Variants in SCYL2 observed in about 807,000 individuals in gnomAD.
SCYL2 encodes SCY1 like pseudokinase 2.
SCYL2 carries 36 observed loss-of-function variants against 100.4 expected under a neutral mutation model. The ratio of observed to expected loss-of-function variants is 0.36; its 90% CI spans 0.27 to 0.47. The LOEUF (loss-of-function observed/expected upper bound fraction) is 0.47. Ranked by LOEUF, SCYL2 falls within the 20% of genes least tolerant of loss-of-function variation. The probability of loss-of-function intolerance (pLI) is 1.00; values close to 1 mark genes in which losing one functional copy is unlikely to be tolerated. For synonymous variants in SCYL2, 330 were observed against 359.2 expected, an observed-to-expected ratio of 0.92 and a Z score of 0.92; for missense variants, 902 against 1,083.9, an observed-to-expected ratio of 0.83 and a Z score of 2.36.
chr12:100,286,733 A>G (rs2096304841), intron 2 of SCYL2, among the ~76,000 whole-genome samples: 1 of 152,022 alleles, frequency 6.6e-6, no homozygotes, highest in Admixed American at 6.5e-5. Context: ...AGATGCCAGT[A>G]TTCATGGATG....
At position 100,314,564 on chromosome 12, in the gene SCYL2, A is replaced by T; in HGVS notation, c.1045A>T (p.Lys349Ter). ...CTTATTCCAAAGAGATAATCTTCAG[A>T]AATCACAGTTTTTCAAAGGACTGCC... ...DTLFQRDNLQ[K>*]SQFFKGLPKV... The change falls in exon 8 of 18, where the codon AAA becomes TAA. Residue 349 changes from lysine (K) to a stop codon, truncating the protein, a stop_gained. Coordinates refer to ENST00000360820, the MANE Select transcript of SCYL2 (RefSeq NM_017988.6). LOFTEE classifies it high-confidence loss of function. 2 of 1,602,938 alleles carry T rather than the reference A, an allele frequency of 1.2e-6. No homozygotes were observed. Among genetic ancestry groups the T allele is most frequent in the Non-Finnish European group, 1.7e-6 (2 of 1,176,536 alleles).
At chr12:100,294,031 A>T (rs1273137797) in intron 3 of SCYL2, among the ~76,000 whole-genome samples, 4 of 150,986 alleles carry the variant, frequency 2.6e-5, no homozygotes, top group African/African-American at 9.7e-5. Context: ...CCCGTTCTCA[A>T]TGAGCTGTTG....
intron 3 of SCYL2, among the ~76,000 whole-genome samples, chr12:100,294,417 T>C (rs2096315123): frequency 5.5e-5 from 6 of 109,992 alleles, no homozygotes; most frequent in African/African-American, 7.1e-5. Context: ...ACGGGGCGGC[T>C]GGCCGGGCGG....
chr12:100,279,762 T>A (rs2096296160), intron 1 of SCYL2, among the ~76,000 whole-genome samples: 3 of 152,230 alleles, frequency 2.0e-5, no homozygotes, highest in Admixed American at 2.0e-4. Flanking sequence ...TGATGAGATA[T>A]CAAATGATTT....
chr12:100,333,536 C>T (rs985901377), intron 13 of SCYL2: 9 of 152,126 alleles, frequency 5.9e-5, no homozygotes, highest in African/African-American at 2.2e-4. Flanking sequence ...TGGTGTTATT[C>T]AAATAAGTTG....
intron 2 of SCYL2, among the ~76,000 whole-genome samples, chr12:100,284,780 G>A (rs1029769241): frequency 2.0e-5 from 3 of 152,086 alleles, no homozygotes; most frequent in Admixed American, 2.0e-4. Context: ...TTTTTTGAGT[G>A]TTCATTTAGA....
At chr12:100,273,613 AAT>A (rs765569958) in intron 1 of SCYL2, among the ~76,000 whole-genome samples, 27 of 152,288 alleles carry the variant, frequency 1.8e-4, no homozygotes, top group Admixed American at 5.9e-4. Flanking sequence ...CTCAAATTTG[AAT>A]ATCAATTCTG....
intron 6 of SCYL2, 56 bp from the exon 7 acceptor site, chr12:100,313,366 G>A (rs2096344524): frequency 1.3e-6 from 1 of 762,028 alleles, no homozygotes; most frequent in East Asian, 2.8e-5. Flanking sequence ...TTTCTTAAAT[G>A]TATATGTCTT....
intron 4 of SCYL2, among the ~76,000 whole-genome samples, chr12:100,303,197 C>T (rs1459888141): frequency 6.6e-6 from 1 of 152,072 alleles, no homozygotes; most frequent in African/African-American, 2.4e-5. Flanking sequence ...AGAACATGCT[C>T]CTTTAGCTCG....
intron 2 of SCYL2, among the ~76,000 whole-genome samples, chr12:100,289,007 T>C (rs1040195969): frequency 6.6e-6 from 1 of 152,062 alleles, no homozygotes; most frequent in African/African-American, 2.4e-5. Context: ...GTGCCGGCCA[T>C]AACACATTTA....
chr12:100,312,774 T>G, intron 6 of SCYL2, 121 bp downstream of exon 6: 1 of 654,702 alleles, frequency 1.5e-6, no homozygotes, highest in South Asian at 1.9e-5. Context: ...TAAGTTTGCA[T>G]AAGATCAGCT....
intron 1 of SCYL2, among the ~76,000 whole-genome samples, chr12:100,273,156 T>G (rs906908015): frequency 1.3e-5 from 2 of 152,128 alleles, no homozygotes; most frequent in African/African-American, 4.8e-5. Flanking sequence ...TAGCTTGATT[T>G]CTTACTACTC....
chr12:100,307,517 A>AT (rs2135891035), intron 4 of SCYL2, among the ~76,000 whole-genome samples: 1 of 152,256 alleles, frequency 6.6e-6, no homozygotes, highest in South Asian at 2.1e-4. Flanking sequence ...AGACTTAAAC[A>AT]TAAGACCTAA....
At chr12:100,337,249 C>A in intron 16 of SCYL2, 138 bp from the exon 17 acceptor site, 1 of 1,018,580 alleles carries the variant, frequency 9.8e-7, no homozygotes, top group Non-Finnish European at 1.4e-6. Flanking sequence ...ATACAGCTTA[C>A]TGTGACAATC....
chr12:100,305,788 G>A lies in SCYL2; in HGVS notation c.481-5256G>A, dbSNP rs1357483512. Among the ~76,000 whole-genome samples the A allele has an allele frequency of 1.1e-4, 15 of 142,414 alleles. No homozygotes were observed. The South Asian group carries it at 2.6e-3, about 25-fold the overall frequency. 93.4% of individuals were successfully genotyped at this position (142,414 alleles called of 152,430 possible). ...CCAGACTAATAAAGAAGAAAAGAGA[G>A]AATAATCAGACACAATAAAAAATGA... On this transcript the variant is annotated intron_variant, in intron 4 of 17. Transcript: ENST00000360820.
Position 100,334,193 on chromosome 12 carries a change from G to A in SCYL2, c.1789G>A (p.Glu597Lys). 1 of 1,602,562 alleles carries A rather than the reference G, an allele frequency of 6.2e-7. No homozygotes were observed. The highest frequency in any genetic ancestry group is 2.2e-5 in the East Asian group (1 of 44,690). The part of the protein sequence containing the change: ...QFNSFISVIK[E>K]MLNRLESEHK... The stretch of plus-strand genomic sequence containing the variant: ...CAATTCTTTCATTTCCGTCATAAAA[G>A]AAATGCTTAATAGATTGGAGTCTGA... Residue 597 changes from glutamate to lysine, a missense_variant, in exon 14 of 18, where the codon GAA (glutamate) becomes AAA (lysine). Transcript: ENST00000360820.
At chr12:100,330,618 A>G (rs973981945) in intron 13 of SCYL2, among the ~76,000 whole-genome samples, 4 of 152,178 alleles carry the variant, frequency 2.6e-5, no homozygotes, top group African/African-American at 9.6e-5. Context: ...AGCATCAGAG[A>G]TGGATAGGCA....
intron 2 of SCYL2, among the ~76,000 whole-genome samples, chr12:100,283,923 A>G (rs1024612021): frequency 6.6e-6 from 1 of 152,188 alleles, no homozygotes; most frequent in Non-Finnish European, 1.5e-5. Flanking sequence ...GTTGATCTGC[A>G]TCTGAAATGC....
At chr12:100,326,576 A>G (rs760101299) in intron 11 of SCYL2, 46 bp from the exon 12 acceptor site, 2 of 1,416,964 alleles carry the variant, frequency 1.4e-6, no homozygotes, top group Non-Finnish European at 1.9e-6. Context: ...TTTGTTCTAG[A>G]TTTTGAAAAC....
Sources: allele counts gnomAD v4.1 joint callset (sites outside exome capture counted in the v4.1 genomes callset), GRCh38; gene constraint gnomAD v4.1.1; transcripts MANE v1.5; gene names NCBI Gene and HGNC (gene_info 2026-07-23, HGNC 2026-07-21).